The following TMC5 variants were observed in gnomAD, a reference collection of about 807,000 sequenced individuals.
TMC5 encodes transmembrane channel-like protein 5.
A neutral mutation model predicts 110.5 loss-of-function variants in TMC5; 86 were observed. The observed-to-expected ratio is 0.78, with a 90% CI of 0.65 to 0.93. TMC5 has a LOEUF of 0.93. Among genes scored for constraint, TMC5 ranks in the 40% least tolerant of loss-of-function variants. The pLI is 0.00. For missense variants in TMC5, 1,144 were observed against 1,222.8 expected, an observed-to-expected ratio of 0.94 and a Z score of 0.96; for synonymous variants, 455 against 439.5, an observed-to-expected ratio of 1.04 and a Z score of -0.44.
chr16:19,457,706 A>ATTT (rs1555483103), intron 5 of TMC5, among the ~76,000 whole-genome samples: 6 of 41,060 alleles, frequency 1.5e-4, no homozygotes, highest in Non-Finnish European at 4.0e-4. Context: ...CCAAGACTAC[A>ATTT]TTCTTTTTTT....
chr16:19,442,325 ATTTT>A (rs143016414), intron 3 of TMC5, among the ~76,000 whole-genome samples: 8,918 of 123,492 alleles, frequency 0.072, 541 homozygotes, highest in African/African-American at 0.19. Flanking sequence ...ACAAAATGTA[ATTTT>A]TTTTTTTTTT....
intron 1 of TMC5, among the ~76,000 whole-genome samples, chr16:19,423,929 T>G (rs1243179012): frequency 6.6e-6 from 1 of 152,150 alleles, no homozygotes; most frequent in Non-Finnish European, 1.5e-5. Flanking sequence ...TTGTTTTTTA[T>G]TTTTAGTAGA....
upstream of TMC5, among the ~76,000 whole-genome samples, chr16:19,413,113 G>C (rs1966860415): frequency 6.6e-6 from 1 of 152,158 alleles, no homozygotes; most frequent in African/African-American, 2.4e-5. Context: ...CAAGTAGCTA[G>C]GGCTTTAGGC....
intron 4 of TMC5, among the ~76,000 whole-genome samples, chr16:19,445,717 G>A (rs966734880): frequency 6.6e-6 from 1 of 152,148 alleles, no homozygotes; most frequent in Non-Finnish European, 1.5e-5. Flanking sequence ...GCTGGGAGGT[G>A]CAGATGGAGG....
chr16:19,439,252 A>G (rs1434016196), intron 2 of TMC5, among the ~76,000 whole-genome samples: 2 of 152,182 alleles, frequency 1.3e-5, no homozygotes, highest in Non-Finnish European at 2.9e-5. Context: ...AGCTCATAAA[A>G]TCTTATTTTC....
rs531603311 is a variant in TMC5 at position 19,497,880 on chromosome 16, G to A, written c.2975-40G>A. ...CTTTCCCTTGTAGAGATGGGGCAGA[G>A]TGTGCCTGCGTTAACTTCTCTTTCC... On this transcript the variant is annotated intron_variant, in intron 21 of 21. Transcript: ENST00000542583. The A allele has an allele frequency of 2.5e-6, 4 of 1,604,112 alleles. No individual in the cohort carries two copies. The African/African-American group carries it at 5.4e-5, about 21-fold the overall frequency.
rs369268664 is a variant in TMC5, at chr16:19,494,338, C to T, written c.2903C>T (p.Ser968Leu). Residue 968 changes from serine to leucine, a missense_variant, in exon 20 of 22, where the codon TCA (serine) becomes TTA (leucine). Physicochemically the swap from Ser to Leu is moderately radical, Grantham distance 145. Transcript: ENST00000542583. ...QDMEKKANPS[S>L]LVLERREVEQ... ...ATGGAGAAGAAAGCAAACCCCAGCT[C>T]ACTTGTTCTGGAAAGGAGAGAGGTG... The T allele has an allele frequency of 1.9e-6, 3 of 1,613,662 alleles. No individual in the cohort carries two copies. Among genetic ancestry groups the T allele is most frequent in the Non-Finnish European group, 2.5e-6 (3 of 1,179,866 alleles).
At position 19,498,036 on chromosome 16, in the gene TMC5, C is replaced by T; in HGVS notation, c.*70C>T. ...CGAAAATGGAATGATTTCTTCCATG[C>T]CACCTGTGCCTTTAGGAACTGCCCA... On this transcript the variant is annotated 3_prime_UTR_variant, in exon 22 of 22. Coordinates refer to ENST00000542583, the MANE Select transcript of TMC5 (RefSeq NM_001261841.2). The T allele has an allele frequency of 2.1e-6, 3 of 1,448,316 alleles. No homozygotes were observed. The highest frequency in any genetic ancestry group is 2.9e-6 in the Non-Finnish European group (3 of 1,028,960). 89.7% of individuals were successfully genotyped at this position (1,448,316 alleles called of 1,614,324 possible). A position where few individuals can be genotyped will look rare whatever the true frequency, so the allele number is the denominator to read the frequency against.
chr16:19,439,954 T>G lies in TMC5; in HGVS notation c.-79-6T>G. 8.3e-7 allele frequency: 1 copy of G among 1,198,636 alleles called. No individual in the cohort carries two copies. Among genetic ancestry groups the G allele is most frequent in the Non-Finnish European group, 1.2e-6 (1 of 848,550 alleles). 74.3% of individuals were successfully genotyped at this position (1,198,636 alleles called of 1,614,324 possible). A position where few individuals can be genotyped will look rare whatever the true frequency, so the allele number is the denominator to read the frequency against. ...TCTGACTTTTTCTTTTCTTCTTGTT[T>G]TTCAGGTGAAAAAAAAAAAAGATCC... On this transcript the variant is annotated splice_region_variant and splice_polypyrimidine_tract_variant and intron_variant, in intron 2 of 21. Transcript: ENST00000542583.
At chr16:19,488,099 G>A (rs186626327) in intron 17 of TMC5, among the ~76,000 whole-genome samples, 3 of 152,194 alleles carry the variant, frequency 2.0e-5, no homozygotes, top group African/African-American at 7.2e-5. Flanking sequence ...CTGATAAAGG[G>A]GGCGGTTGCG....
At chr16:19,494,175 G>A (rs1276400461) in intron 19 of TMC5, 87 bp from the exon 20 acceptor site, 11 of 1,060,416 alleles carry the variant, frequency 1.0e-5, no homozygotes, top group South Asian at 1.5e-5. Flanking sequence ...GAAAACCGAC[G>A]TTCTTCCCAT....
intron 9 of TMC5, among the ~76,000 whole-genome samples, 168 bp from the exon 10 acceptor site, chr16:19,469,513 G>A (rs1463647818): frequency 6.6e-6 from 1 of 152,192 alleles, no homozygotes. Context: ...CAAAACCAGT[G>A]CTTGTTTAAC....
At chr16:19,480,245 A>G (rs923582827) in intron 14 of TMC5, among the ~76,000 whole-genome samples, 4 of 152,224 alleles carry the variant, frequency 2.6e-5, no homozygotes, top group South Asian at 2.1e-4. Context: ...ATTTTATATT[A>G]GATATCTATC....
chr16:19,465,222 G>A (rs1219222881), intron 8 of TMC5, among the ~76,000 whole-genome samples: 18 of 150,012 alleles, frequency 1.2e-4, no homozygotes, highest in Non-Finnish European at 1.3e-4. Context: ...GTCCGCCCCC[G>A]CCTTAAATCT....
chr16:19,426,042 G>A (rs1008752666), intron 1 of TMC5, among the ~76,000 whole-genome samples: 1 of 152,202 alleles, frequency 6.6e-6, no homozygotes, highest in Non-Finnish European at 1.5e-5. Flanking sequence ...TGCCTGTCCA[G>A]ATCTTAGAAC....
chr16:19,422,196 A>G (rs1966999192), intron 1 of TMC5, among the ~76,000 whole-genome samples: 1 of 150,718 alleles, frequency 6.6e-6, no homozygotes, highest in African/African-American at 2.4e-5. Flanking sequence ...ACACCACTAT[A>G]CTCCAGCCCG....
chr16:19,459,917 C>CAA (rs34853313), intron 5 of TMC5, among the ~76,000 whole-genome samples: 1,876 of 95,634 alleles, frequency 0.02, 99 homozygotes, highest in African/African-American at 0.071. Flanking sequence ...GATCCTGTCT[C>CAA]AAAAAAAAAA....
At chr16:19,413,342 G>A (rs933253128), upstream of TMC5, among the ~76,000 whole-genome samples, 10 of 151,772 alleles carry the variant, frequency 6.6e-5, no homozygotes, top group African/African-American at 2.2e-4. Flanking sequence ...CAGAGAACAC[G>A]GCAAGACCTC....
rs373769986 is a variant in TMC5, at chr16:19,481,313, G to A, written c.2268-57G>A. 1.7e-4 allele frequency: 206 copies of A among 1,202,004 alleles called. No individual in the cohort carries two copies. The African/African-American group carries it at 2.9e-3, about 17-fold the overall frequency. 74.5% of individuals were successfully genotyped at this position (1,202,004 alleles called of 1,614,324 possible). Reference sequence around the variant, plus strand: ...TTTGTTGATTGTCCTAGTCTGTGGGGGATCTTCTGAAAGTGGGAGTTATGG... The same window carrying A: ...TTTGTTGATTGTCCTAGTCTGTGGGAGATCTTCTGAAAGTGGGAGTTATGG... On this transcript the variant is annotated intron_variant, in intron 14 of 21. Coordinates refer to ENST00000542583, the MANE Select transcript of TMC5 (RefSeq NM_001261841.2).
Sources: allele counts gnomAD v4.1 joint callset (sites outside exome capture counted in the v4.1 genomes callset), GRCh38; gene constraint gnomAD v4.1.1; transcripts MANE v1.5; gene names NCBI Gene and HGNC (gene_info 2026-07-23, HGNC 2026-07-21).